The following ARHGEF37 variants were observed in gnomAD, a reference collection of about 807,000 sequenced individuals.
ARHGEF37 encodes the protein Rho guanine nucleotide exchange factor (GEF) 37.
ARHGEF37 carries 55 observed loss-of-function variants against 71.1 expected under a neutral mutation model. That is an observed-to-expected ratio of 0.77 (90% CI 0.62 to 0.97). The LOEUF is 0.97. Ranked by LOEUF, ARHGEF37 falls within the 50% of genes least tolerant of loss-of-function variation. The pLI, the probability that ARHGEF37 is intolerant of heterozygous loss-of-function variation, is 0.00. For missense variants in ARHGEF37, 765 were observed against 836.8 expected, an observed-to-expected ratio of 0.91 and a Z score of 1.06; for synonymous variants, 327 against 350.6, an observed-to-expected ratio of 0.93 and a Z score of 0.75.
chr5:149,552,809 C>T (rs934917994), intron 1 of ARHGEF37, among the ~76,000 whole-genome samples: 1 of 151,162 alleles, frequency 6.6e-6, no homozygotes, highest in Non-Finnish European at 1.5e-5. Flanking sequence ...CCAGCCTGGG[C>T]AACAGAGAGA....
At chr5:149,625,494 A>G (rs1262425149) in intron 10 of ARHGEF37, among the ~76,000 whole-genome samples, 1 of 152,096 alleles carries the variant, frequency 6.6e-6, no homozygotes, top group Non-Finnish European at 1.5e-5. Flanking sequence ...GCAGAACAGG[A>G]CAGATAAAGG....
chr5:149,604,383 G>C (rs1238359519), intron 3 of ARHGEF37, among the ~76,000 whole-genome samples: 4 of 152,120 alleles, frequency 2.6e-5, no homozygotes, highest in African/African-American at 9.7e-5. Flanking sequence ...ATTATTCATT[G>C]TTTATCTAAA....
chr5:149,607,028 G>T (rs1322470924), intron 3 of ARHGEF37, among the ~76,000 whole-genome samples: 1 of 152,132 alleles, frequency 6.6e-6, no homozygotes, highest in African/African-American at 2.4e-5. Flanking sequence ...CAGTTCTCCT[G>T]CCTCAGCCTC....
Position 149,627,253 on chromosome 5 carries a change from T to G in ARHGEF37, c.1642T>G (p.Trp548Gly), listed in dbSNP as rs1561810988. ...GGACACCAAAGGCAACAGCGGCCGCTGGCTGGTGGACACCGGGGGTACGTG... is the reference window on the plus strand; with the variant it reads ...GGACACCAAAGGCAACAGCGGCCGCGGGCTGGTGGACACCGGGGGTACGTG... ...NKDTKGNSGR[W>G]LVDTGGHRGY... is the part of the protein sequence containing the mutation. Residue 548 changes from tryptophan to glycine, a missense_variant, in exon 11 of 13, where the codon TGG (tryptophan) becomes GGG (glycine). By Grantham distance (184) the Trp-to-Gly change is radical (BLOSUM62 -2). Transcript: ENST00000333677. The G allele has an allele frequency of 3.7e-6, 6 of 1,613,758 alleles. No individual in the cohort carries two copies. Among genetic ancestry groups the G allele is most frequent in the Non-Finnish European group, 5.1e-6 (6 of 1,179,970 alleles).
Position 149,609,711 on chromosome 5 carries a change from A to G in ARHGEF37, c.458+16A>G, listed in dbSNP as rs781540862. ...AGGCGGTGGTGTGAGTAGAACGGCCAGTGAGCACTCGCTCCTACCCCACTG... is the reference window on the plus strand; with the variant it reads ...AGGCGGTGGTGTGAGTAGAACGGCCGGTGAGCACTCGCTCCTACCCCACTG... On this transcript the variant is annotated intron_variant, in intron 4 of 12. Coordinates refer to ENST00000333677, the MANE Select transcript of ARHGEF37 (RefSeq NM_001001669.3). 6.2e-7 allele frequency: 1 copy of G among 1,612,122 alleles called. No homozygotes were observed. Among genetic ancestry groups the G allele is most frequent in the Non-Finnish European group, 8.5e-7 (1 of 1,179,948 alleles).
chr5:149,629,188 C>A (rs6874995), intron 12 of ARHGEF37, among the ~76,000 whole-genome samples: 46 of 151,830 alleles, frequency 3.0e-4, no homozygotes, highest in Admixed American at 8.5e-4. Flanking sequence ...GAACTAACCC[C>A]TTGTTCCTCA....
chr5:149,567,024 T>C (rs909784188), intron 1 of ARHGEF37, among the ~76,000 whole-genome samples: 4 of 152,254 alleles, frequency 2.6e-5, no homozygotes, highest in African/African-American at 4.8e-5. Flanking sequence ...ATTCAGATTT[T>C]ATTGATTGTC....
chr5:149,572,023 A>G (rs953994773), intron 1 of ARHGEF37, among the ~76,000 whole-genome samples: 1 of 152,078 alleles, frequency 6.6e-6, no homozygotes, highest in South Asian at 2.1e-4. Flanking sequence ...TGGAGGTCTT[A>G]CAATACCTGG....
intron 3 of ARHGEF37, among the ~76,000 whole-genome samples, chr5:149,604,649 C>T (rs1399101711): frequency 1.3e-5 from 2 of 151,076 alleles, no homozygotes; most frequent in Non-Finnish European, 2.9e-5. Flanking sequence ...GCAAGGAGAG[C>T]CCTTTTCCCA....
intron 4 of ARHGEF37, among the ~76,000 whole-genome samples, chr5:149,611,170 T>G (rs147492351): frequency 1.3e-5 from 2 of 152,336 alleles, no homozygotes; most frequent in East Asian, 3.9e-4. Flanking sequence ...AGCTGGGAAC[T>G]GGCACATTGT....
chr5:149,597,975 C>T lies in ARHGEF37; in HGVS notation c.186+20C>T, dbSNP rs984093916. On this transcript the variant is annotated intron_variant, in intron 2 of 12. Transcript: ENST00000333677. ...CAGCAGGTACTTGGGTGGGGTCACACACAACCTGTCTTTATAGGGGCAAAT... is the reference window on the plus strand; with the variant it reads ...CAGCAGGTACTTGGGTGGGGTCACATACAACCTGTCTTTATAGGGGCAAAT... 16 of 1,553,248 alleles carry T rather than the reference C, an allele frequency of 1.0e-5. No individual in the cohort carries two copies. The highest frequency in any genetic ancestry group is 4.8e-5 in the South Asian group (4 of 82,540).
intron 1 of ARHGEF37, among the ~76,000 whole-genome samples, chr5:149,585,301 C>T (rs1763200569): frequency 6.6e-6 from 1 of 152,194 alleles, no homozygotes; most frequent in Non-Finnish European, 1.5e-5. Flanking sequence ...GGAAACTTCA[C>T]TCCTAGGTCC....
Position 149,618,259 on chromosome 5 carries a change from A to G in ARHGEF37, c.742A>G (p.Thr248Ala), listed in dbSNP as rs1433178268. Residue 248 changes from threonine to alanine, a missense_variant, in exon 6 of 13, where the codon ACC becomes GCC. This residue lies in a region of ARHGEF37 where 167 missense variants were observed against 173.3 expected (regional missense o/e 0.96). Coordinates refer to ENST00000333677, the MANE Select transcript of ARHGEF37 (RefSeq NM_001001669.3). ...INTHTLSKKT[T>A]RLSQLLKQEA... ...CACACACACCCTCTCCAAGAAGACCACCCGGCTGAGCCAGCTGCTGAAGCA... is the reference window on the plus strand; with the variant it reads ...CACACACACCCTCTCCAAGAAGACCGCCCGGCTGAGCCAGCTGCTGAAGCA... The G allele has an allele frequency of 1.1e-5, 18 of 1,614,034 alleles. No homozygotes were observed. The highest frequency in any genetic ancestry group is 1.5e-5 in the Non-Finnish European group (18 of 1,180,006).
chr5:149,626,622 C>T (rs1304081971), intron 10 of ARHGEF37, among the ~76,000 whole-genome samples: 4 of 152,198 alleles, frequency 2.6e-5, no homozygotes, highest in African/African-American at 9.6e-5. Flanking sequence ...AGGTTACATG[C>T]CCTCGTTCCT....
intron 4 of ARHGEF37, among the ~76,000 whole-genome samples, chr5:149,611,929 A>G (rs1472172029): frequency 6.6e-6 from 1 of 152,226 alleles, no homozygotes. Context: ...TTCACTAAGA[A>G]AGGAGAAATA....
At chr5:149,625,974 C>T (rs1409088145) in intron 10 of ARHGEF37, among the ~76,000 whole-genome samples, 1 of 152,200 alleles carries the variant, frequency 6.6e-6, no homozygotes, top group African/African-American at 2.4e-5. Context: ...TGTGACACCA[C>T]TGGCTCTTAT....
intron 7 of ARHGEF37, 29 bp downstream of exon 7, chr5:149,619,071 C>G: frequency 6.3e-7 from 1 of 1,587,316 alleles, no homozygotes. Context: ...TCATAAAGGG[C>G]GAGTCTGGGC....
At position 149,618,305 on chromosome 5, in the gene ARHGEF37, G is replaced by T. The variant is rs763864634; in HGVS notation, c.788G>T (p.Arg263Met). The change falls in exon 6 of 13, where the codon AGG (arginine) becomes ATG (methionine). Residue 263 changes from arginine (R) to methionine (M), a missense_variant and splice_region_variant. Arg to Met is a moderately conservative substitution (Grantham distance 91). Transcript: ENST00000333677. ...AAGCAGGAGGCGGGGCTGATCCCCA[G>T]GGTGAGCGTGCGCCTGGGAGGAAGA... Reference protein sequence around the residue: ...LLKQEAGLIPRTEDKEFDDLE... With the variant: ...LLKQEAGLIPMTEDKEFDDLE... 1 of 1,614,022 alleles carries T rather than the reference G, an allele frequency of 6.2e-7. No individual in the cohort carries two copies. Among genetic ancestry groups the T allele is most frequent in the Non-Finnish European group, 8.5e-7 (1 of 1,180,020 alleles).
intron 1 of ARHGEF37, among the ~76,000 whole-genome samples, chr5:149,555,559 G>T (rs1762743312): frequency 1.3e-5 from 2 of 151,294 alleles, no homozygotes; most frequent in African/African-American, 4.9e-5. Flanking sequence ...AAGTGATCCT[G>T]ACGCCTCATC....
Sources: allele counts gnomAD v4.1 joint callset (sites outside exome capture counted in the v4.1 genomes callset), GRCh38; gene constraint gnomAD v4.1.1; regional missense constraint gnomAD v4.1.1; transcripts MANE v1.5; gene names NCBI Gene and HGNC (gene_info 2026-07-23, HGNC 2026-07-21).